CAST: variants seen among roughly 807,000 people sequenced by gnomAD.
The protein encoded by CAST is MIR583 host.
A neutral mutation model predicts 119.6 loss-of-function variants in CAST; 76 were observed. The ratio of observed to expected loss-of-function variants is 0.64; its 90% confidence interval spans 0.53 to 0.77. CAST has a LOEUF of 0.77. Among genes scored for constraint, CAST ranks in the 30% least tolerant of loss-of-function variants. The pLI, the probability that CAST is intolerant of heterozygous loss-of-function variation, is 0.00. For synonymous variants in CAST, 319 were observed against 331.6 expected (o/e 0.96, Z 0.41); for missense variants, 953 against 946.5 (o/e 1.01, Z -0.09).
intron 1 of CAST, among the ~76,000 whole-genome samples, chr5:96,650,211 T>C (rs761164377): frequency 2.1e-4 from 32 of 152,336 alleles, no homozygotes; most frequent in Middle Eastern, 3.4e-3. Flanking sequence ...TTCTAGCCAA[T>C]GGACTAGAAG....
intron 1 of CAST, among the ~76,000 whole-genome samples, chr5:96,534,742 A>AGAAAGAG (rs561170657): frequency 6.5e-5 from 2 of 30,876 alleles, no homozygotes; most frequent in Non-Finnish European, 1.2e-4. Flanking sequence ...AGAGAGAGAG[A>AGAAAGAG]AAGAAAGAAA....
chr5:96,453,855 C>T, the CAST span, among the ~76,000 whole-genome samples: 6 of 151,888 alleles, frequency 4.0e-5, no homozygotes, highest in African/African-American at 1.5e-4. Flanking sequence ...GACAAAGTAG[C>T]ATATTTGTTA....
upstream of CAST, among the ~76,000 whole-genome samples, chr5:96,658,417 A>T (rs1304169020): frequency 1.3e-5 from 2 of 152,132 alleles, no homozygotes; most frequent in Non-Finnish European, 2.9e-5. Context: ...CTGCCAGCTC[A>T]GGTATGTGGG....
At chr5:96,302,481 G>C in the CAST span, among the ~76,000 whole-genome samples, 2 of 151,972 alleles carry the variant, frequency 1.3e-5, no homozygotes, top group African/African-American at 2.4e-5. Flanking sequence ...ACATAGGCAG[G>C]CTGCAAATTT....
At chr5:96,144,672 AT>A in the CAST span, among the ~76,000 whole-genome samples, 40,702 of 140,916 alleles carry the variant, frequency 0.29, 5,851 homozygotes, top group Non-Finnish European at 0.35. Context: ...CCCAGACACC[AT>A]TTTTTTTTTT....
chr5:96,593,927 GCAGCTGA>G (rs1747008842), intron 1 of CAST, among the ~76,000 whole-genome samples: 1 of 152,192 alleles, frequency 6.6e-6, no homozygotes, highest in African/African-American at 2.4e-5. Flanking sequence ...TTTTATTATA[GCAGCTGA>G]ACTAAGCCAA....
the CAST span, among the ~76,000 whole-genome samples, chr5:96,464,836 C>T: frequency 6.6e-6 from 1 of 152,036 alleles, no homozygotes; most frequent in Non-Finnish European, 1.5e-5. Flanking sequence ...ATGGCCTTGA[C>T]ATCCAATACA....
the CAST span, among the ~76,000 whole-genome samples, chr5:96,088,107 C>G: frequency 6.6e-6 from 1 of 152,214 alleles, no homozygotes; most frequent in African/African-American, 2.4e-5. Flanking sequence ...ATACTCAGCT[C>G]TATACAGCAA....
chr5:96,675,785 T>C (rs1750632220), intron 2 of CAST, 184 bp downstream of exon 2: 1 of 538,908 alleles, frequency 1.9e-6, no homozygotes, highest in Admixed American at 3.4e-5. Context: ...AAAAAAATTG[T>C]TCCTGGGAAT....
chr5:96,107,808 C>G, the CAST span, among the ~76,000 whole-genome samples: 5 of 152,126 alleles, frequency 3.3e-5, no homozygotes, highest in African/African-American at 1.2e-4. Flanking sequence ...GGATAATATC[C>G]TGCAGAGTGT....
chr5:96,233,584 A>G, the CAST span, among the ~76,000 whole-genome samples: 1 of 152,176 alleles, frequency 6.6e-6, no homozygotes, highest in Non-Finnish European at 1.5e-5. Flanking sequence ...AATATTTTCC[A>G]TAACTGAAAT....
At chr5:96,013,189 G>T in the CAST span, among the ~76,000 whole-genome samples, 1 of 150,912 alleles carries the variant, frequency 6.6e-6, no homozygotes, top group Non-Finnish European at 1.5e-5. Context: ...ATATAAAAAG[G>T]TATGCTTTTT....
chr5:95,973,505 G>A, the CAST span: 1 of 152,174 alleles, frequency 6.6e-6, no homozygotes, highest in Non-Finnish European at 1.5e-5. Context: ...TATTGAGCCA[G>A]GTTTTTTGTA....
the CAST span, among the ~76,000 whole-genome samples, chr5:96,338,531 T>G: frequency 6.6e-6 from 1 of 152,162 alleles, no homozygotes; most frequent in Non-Finnish European, 1.5e-5. Context: ...GAGTCTGGAG[T>G]GGGAAAAGTT....
At chr5:96,357,203 G>A in the CAST span, among the ~76,000 whole-genome samples, 1 of 152,232 alleles carries the variant, frequency 6.6e-6, no homozygotes, top group East Asian at 1.9e-4. Context: ...CTTTGCTGAA[G>A]TTGCTTATCA....
At chr5:96,155,956 T>C in the CAST span, among the ~76,000 whole-genome samples, 1 of 152,154 alleles carries the variant, frequency 6.6e-6, no homozygotes, top group Admixed American at 6.5e-5. Flanking sequence ...CACTGAAGGA[T>C]GGGGAGGGGC....
chr5:96,703,304 C>T (rs910451560), intron 3 of CAST, among the ~76,000 whole-genome samples: 1 of 152,130 alleles, frequency 6.6e-6, no homozygotes, highest in Non-Finnish European at 1.5e-5. Context: ...ACCTTTATCT[C>T]TAGGGTTGGA....
chr5:96,323,437 G>C, the CAST span, among the ~76,000 whole-genome samples: 1 of 152,152 alleles, frequency 6.6e-6, no homozygotes, highest in African/African-American at 2.4e-5. Flanking sequence ...AATAGTTGTA[G>C]CTAGACCTCC....
At chr5:96,434,864 G>A in the CAST span, among the ~76,000 whole-genome samples, 1 of 152,180 alleles carries the variant, frequency 6.6e-6, no homozygotes, top group African/African-American at 2.4e-5. Flanking sequence ...TAAACATAAA[G>A]CATCTTTACA....
Sources: gnomAD v4.1 joint callset for allele counts (sites outside exome capture counted in the v4.1 genomes callset) on GRCh38, gnomAD v4.1.1 for gene constraint, MANE v1.5 for transcripts, NCBI Gene and HGNC (gene_info 2026-07-23, HGNC 2026-07-21) for gene names.